Variants in ALK observed in about 807,000 individuals in gnomAD.
The protein encoded by ALK is ALK receptor tyrosine kinase.
In ALK, 74 loss-of-function variants were observed where a neutral mutation model predicts 163.1. The observed-to-expected ratio is 0.45, with a 90% CI of 0.38 to 0.55. ALK has a LOEUF of 0.55. ALK is among the 20% of genes least tolerant of loss of function. The pLI is 0.00. For missense variants in ALK, 2,063 were observed against 2,105.3 expected (o/e 0.98, Z 0.39); for synonymous variants, 960 against 843.2 (o/e 1.14, Z -2.40).
intron 4 of ALK, among the ~76,000 whole-genome samples, chr2:29,460,103 G>A (rs974019765): frequency 6.6e-6 from 1 of 152,148 alleles, no homozygotes; most frequent in Non-Finnish European, 1.5e-5. Flanking sequence ...TGACTACCTT[G>A]CAGTAGGAGT....
At chr2:29,367,502 A>G (rs1007309766) in intron 5 of ALK, among the ~76,000 whole-genome samples, 3 of 152,232 alleles carry the variant, frequency 2.0e-5, no homozygotes, top group African/African-American at 2.4e-5. Context: ...GAGTTTCAAC[A>G]GTACAAAATT....
chr2:29,220,042 T>C (rs965097464), intron 23 of ALK, among the ~76,000 whole-genome samples: 3 of 152,266 alleles, frequency 2.0e-5, no homozygotes, highest in African/African-American at 7.2e-5. Context: ...TCTGTGTTTG[T>C]CTCTAGTTTG....
intron 5 of ALK, among the ~76,000 whole-genome samples, chr2:29,369,334 G>GTGTGTGTA (rs369794496): frequency 1.1e-3 from 162 of 151,832 alleles, no homozygotes; most frequent in Non-Finnish European, 1.6e-3. Flanking sequence ...GTGTGTGTGT[G>GTGTGTGTA]TTGGTCTCCT....
At chr2:29,603,111 C>A (rs77299809) in intron 3 of ALK, among the ~76,000 whole-genome samples, 2 of 152,084 alleles carry the variant, frequency 1.3e-5, no homozygotes, top group African/African-American at 2.4e-5. Context: ...TAGAAAGGCA[C>A]GTCTGGGTTA....
At chr2:29,391,446 G>A (rs1056193678) in intron 4 of ALK, among the ~76,000 whole-genome samples, 3 of 152,072 alleles carry the variant, frequency 2.0e-5, no homozygotes, top group African/African-American at 7.2e-5. Context: ...GATTATAGGT[G>A]TGCGCCATCA....
intron 11 of ALK, among the ~76,000 whole-genome samples, chr2:29,272,709 G>T (rs370983758): frequency 8.5e-5 from 13 of 152,326 alleles, no homozygotes; most frequent in African/African-American, 3.1e-4. Flanking sequence ...TTATTATCCT[G>T]TCTCCTCGAT....
chr2:29,900,104 G>A (rs1205896178), intron 1 of ALK, among the ~76,000 whole-genome samples: 4 of 152,270 alleles, frequency 2.6e-5, no homozygotes, highest in African/African-American at 9.6e-5. Flanking sequence ...ATTTTAAGGG[G>A]CTCTGGCCCA....
intron 5 of ALK, among the ~76,000 whole-genome samples, chr2:29,337,779 C>T (rs527350260): frequency 6.6e-6 from 1 of 152,298 alleles, no homozygotes; most frequent in East Asian, 1.9e-4. Context: ...CTCAAGAGCG[C>T]CTTTCGCCCC....
chr2:29,562,915 G>T (rs12473275), intron 3 of ALK, among the ~76,000 whole-genome samples: 2 of 152,044 alleles, frequency 1.3e-5, no homozygotes, highest in African/African-American at 4.8e-5. Context: ...CTTCTATTTG[G>T]GGAAATGATT....
At chr2:29,431,471 T>C in intron 4 of ALK, among the ~76,000 whole-genome samples, 1 of 152,210 alleles carries the variant, frequency 6.6e-6, no homozygotes, top group East Asian at 1.9e-4. Flanking sequence ...GATTTATTTT[T>C]TTCCATTTAT....
chr2:29,588,446 G>C (rs759016845), intron 3 of ALK, among the ~76,000 whole-genome samples: 2 of 152,112 alleles, frequency 1.3e-5, no homozygotes, highest in East Asian at 3.9e-4. Flanking sequence ...GGTCAGGCTG[G>C]TTTCGAACTC....
chr2:29,824,857 T>C (rs189764033), intron 1 of ALK, among the ~76,000 whole-genome samples: 275 of 152,038 alleles, frequency 1.8e-3, no homozygotes, highest in Non-Finnish European at 3.1e-3. Flanking sequence ...TGGGAATGCA[T>C]GATTGTTTTG....
At chr2:29,703,752 A>G (rs1444771213) in intron 2 of ALK, among the ~76,000 whole-genome samples, 1 of 152,202 alleles carries the variant, frequency 6.6e-6, no homozygotes, top group African/African-American at 2.4e-5. Context: ...TTTAGGTGAC[A>G]TTTGCAGTCA....
intron 3 of ALK, among the ~76,000 whole-genome samples, chr2:29,612,110 C>A (rs1244117790): frequency 6.6e-6 from 1 of 152,168 alleles, no homozygotes; most frequent in Non-Finnish European, 1.5e-5. Flanking sequence ...GGGTGTGCAA[C>A]AGAACCCAGG....
chr2:29,588,411 A>T (rs1476972156), intron 3 of ALK, among the ~76,000 whole-genome samples: 2 of 151,966 alleles, frequency 1.3e-5, no homozygotes, highest in Admixed American at 6.6e-5. Context: ...TTGTATTTTT[A>T]GTAGAGATGG....
chr2:29,767,916 T>C (rs181164951), intron 1 of ALK, among the ~76,000 whole-genome samples: 46 of 152,316 alleles, frequency 3.0e-4, no homozygotes, highest in Admixed American at 7.2e-4. Context: ...AGCCCCAGTC[T>C]GGGGAAGTCG....
intron 26 of ALK, among the ~76,000 whole-genome samples, 199 bp from the exon 27 acceptor site, chr2:29,197,875 CCT>C (rs1295526355): frequency 6.6e-6 from 1 of 152,020 alleles, no homozygotes; most frequent in Non-Finnish European, 1.5e-5. Context: ...AAAGACAACC[CCT>C]GTTGATTTTT....
At chr2:29,536,237 T>A (rs760884368) in intron 3 of ALK, among the ~76,000 whole-genome samples, 1 of 152,152 alleles carries the variant, frequency 6.6e-6, no homozygotes, top group Non-Finnish European at 1.5e-5. Context: ...TGAGGCCTGG[T>A]GGGAGGTGAC....
chr2:29,807,539 G>C (rs1240114181), intron 1 of ALK, among the ~76,000 whole-genome samples: 3 of 152,188 alleles, frequency 2.0e-5, no homozygotes, highest in Non-Finnish European at 2.9e-5. Context: ...ATGATTTGCT[G>C]AGTGAAAGTG....
Sources: gnomAD v4.1 joint callset for allele counts (sites outside exome capture counted in the v4.1 genomes callset) on GRCh38, gnomAD v4.1.1 for gene constraint, MANE v1.5 for transcripts, NCBI Gene and HGNC (gene_info 2026-07-23, HGNC 2026-07-21) for gene names.